The following NUP85 variants were observed in gnomAD, a reference collection of about 807,000 sequenced individuals.
NUP85 encodes nuclear pore complex protein Nup85.
In NUP85, 23 loss-of-function variants were observed where a neutral mutation model predicts 92.8. The observed-to-expected ratio is 0.25, with a 90% CI of 0.18 to 0.35. The LOEUF (loss-of-function observed/expected upper bound fraction) is 0.35, where lower values mean the gene tolerates loss of function less well. NUP85 is among the 10% of genes least tolerant of loss of function. The pLI, the probability that NUP85 is intolerant of heterozygous loss-of-function variation, is 1.00. For synonymous variants in NUP85, 314 were observed against 306.9 expected (o/e 1.02, Z -0.24); for missense variants, 759 against 822.8 (o/e 0.92, Z 0.95).
Position 75,235,718 on chromosome 17 carries a change from A to G in NUP85, c.*39A>G, listed in dbSNP as rs1193574899. 2 of 1,330,382 alleles carry G rather than the reference A, an allele frequency of 1.5e-6. No individual in the cohort carries two copies. Among genetic ancestry groups the G allele is most frequent in the South Asian group, 1.2e-5 (1 of 81,072 alleles). 82.4% of individuals were successfully genotyped at this position (1,330,382 alleles called of 1,614,324 possible). A position where few individuals can be genotyped will look rare whatever the true frequency, so the allele number is the denominator to read the frequency against. ...GTGGTATCTTTGTATGGCAATGTAT[A>G]TAGATTTTTTTAAAAGAATAAATGT... On this transcript the variant is annotated 3_prime_UTR_variant, in exon 19 of 19. Transcript: ENST00000245544.
chr17:75,218,806 G>C (rs1247723119), intron 7 of NUP85, among the ~76,000 whole-genome samples: 1 of 152,050 alleles, frequency 6.6e-6, no homozygotes. Flanking sequence ...CCAGGCTGTT[G>C]TGCAGTGGCC....
At chr17:75,226,665 AT>A in intron 11 of NUP85, 2 of 396,140 alleles carry the variant, frequency 5.0e-6, no homozygotes, top group Non-Finnish European at 1.0e-5. Flanking sequence ...CCACAGGTAG[AT>A]AATGGCTTTT....
intron 7 of NUP85, among the ~76,000 whole-genome samples, chr17:75,223,717 T>G (rs2075667153): frequency 6.6e-6 from 1 of 152,174 alleles, no homozygotes; most frequent in African/African-American, 2.4e-5. Flanking sequence ...TATTTATATT[T>G]GAACTGAAAC....
At chr17:75,206,275 T>C (rs1185330438) in intron 1 of NUP85, among the ~76,000 whole-genome samples, 7 of 152,138 alleles carry the variant, frequency 4.6e-5, no homozygotes, top group African/African-American at 1.7e-4. Context: ...GTATGTCAAC[T>C]GTGGATGATC....
At chr17:75,227,052 A>T (rs1212107397) in intron 11 of NUP85, 8 of 183,196 alleles carry the variant, frequency 4.4e-5, no homozygotes. Flanking sequence ...ATGGTAAGTC[A>T]GAAAGAAGGT....
intron 3 of NUP85, among the ~76,000 whole-genome samples, chr17:75,211,687 G>A (rs538242610): frequency 5.9e-5 from 9 of 152,224 alleles, no homozygotes; most frequent in Admixed American, 2.0e-4. Flanking sequence ...CTGAGCCACC[G>A]GGCCTGGCCA....
At chr17:75,223,087 A>G (rs2075647994) in intron 7 of NUP85, among the ~76,000 whole-genome samples, 1 of 151,716 alleles carries the variant, frequency 6.6e-6, no homozygotes, top group African/African-American at 2.4e-5. Context: ...TTCGTGTCTG[A>G]ATGAAGCTTA....
intron 16 of NUP85, 106 bp downstream of exon 16, chr17:75,233,264 A>G (rs974666426): frequency 1.2e-6 from 1 of 857,498 alleles, no homozygotes; most frequent in Non-Finnish European, 1.9e-6. Flanking sequence ...ATGTATTCCC[A>G]TTGCATCAGT....
Position 75,223,132 on chromosome 17 carries a change from A to C in NUP85, c.598-1971A>C, listed in dbSNP as rs553242357. On this transcript the variant is annotated intron_variant, in intron 7 of 18. Coordinates refer to ENST00000245544, the MANE Select transcript of NUP85 (RefSeq NM_024844.5). ...TCCCATAGTTCTTGCACTTAGCAACACTAGAAAGCACTTCAGTACTACACG... is the reference window on the plus strand; with the variant it reads ...TCCCATAGTTCTTGCACTTAGCAACCCTAGAAAGCACTTCAGTACTACACG... Among the ~76,000 whole-genome samples, 4 of 152,180 alleles carry C rather than the reference A, an allele frequency of 2.6e-5. No individual in the cohort carries two copies. The East Asian group carries it at 5.8e-4, about 22-fold the overall frequency.
In NUP85 at chr17:75,235,318, C is replaced by T. The variant is rs2076290030; in HGVS notation, c.1869+117C>T. On this transcript the variant is annotated intron_variant, in intron 18 of 18. Transcript: ENST00000245544. Reference sequence around the variant, plus strand: ...TCCTATGGACACATGTGCCTCTGTTCCCCTTAACCTGTGTAATTCACACAC... The same window carrying T: ...TCCTATGGACACATGTGCCTCTGTTTCCCTTAACCTGTGTAATTCACACAC... The T allele has an allele frequency of 4.4e-5, 31 of 697,666 alleles. No homozygotes were observed. The South Asian group carries it at 5.9e-4, about 13-fold the overall frequency. 43.2% of individuals were successfully genotyped at this position (697,666 alleles called of 1,614,324 possible). A position where few individuals can be genotyped will look rare whatever the true frequency, so the allele number is the denominator to read the frequency against.
intron 6 of NUP85, among the ~76,000 whole-genome samples, chr17:75,217,174 C>T (rs2075455626): frequency 2.6e-5 from 4 of 152,070 alleles, no homozygotes; most frequent in African/African-American, 7.2e-5. Context: ...AATCCTCCTG[C>T]CCAGCCTCCC....
chr17:75,211,767 A>G (rs1207985001), intron 3 of NUP85, among the ~76,000 whole-genome samples: 2 of 152,128 alleles, frequency 1.3e-5, no homozygotes, highest in African/African-American at 4.8e-5. Flanking sequence ...ATCTGCAACA[A>G]TTAATGGCAG....
At chr17:75,219,774 G>A (rs1327175784) in intron 7 of NUP85, among the ~76,000 whole-genome samples, 2 of 152,188 alleles carry the variant, frequency 1.3e-5, no homozygotes, top group Non-Finnish European at 2.9e-5. Context: ...GAGGCTGCAA[G>A]TGCTGGAGGG....
At chr17:75,209,633 A>G (rs2075196093) in intron 2 of NUP85, among the ~76,000 whole-genome samples, 190 bp from the exon 3 acceptor site, 1 of 152,032 alleles carries the variant, frequency 6.6e-6, no homozygotes, top group Non-Finnish European at 1.5e-5. Flanking sequence ...TAGTAGAGAC[A>G]GGGTTTTGCT....
Position 75,231,706 on chromosome 17 carries a change from G to T in NUP85, c.1244+68G>T. On this transcript the variant is annotated intron_variant, in intron 13 of 18. Coordinates refer to ENST00000245544, the MANE Select transcript of NUP85 (RefSeq NM_024844.5). The surrounding 1 kb of genome is among the most constrained non-coding windows in gnomAD (Gnocchi z 4.6). Reference sequence around the variant, plus strand: ...AGCATGCGGGTGCCATTGGAGCTTGGACTGTTCTCTCCCAGTTGGCTCCTT... The same window carrying T: ...AGCATGCGGGTGCCATTGGAGCTTGTACTGTTCTCTCCCAGTTGGCTCCTT... 1 of 1,606,108 alleles carries T rather than the reference G, an allele frequency of 6.2e-7. No individual in the cohort carries two copies. Among genetic ancestry groups the T allele is most frequent in the Non-Finnish European group, 8.5e-7 (1 of 1,173,184 alleles).
Position 75,225,787 on chromosome 17 carries a change from C to G in NUP85, c.945C>G (p.Ser315=), listed in dbSNP as rs756195289. The G allele has an allele frequency of 7.5e-6, 12 of 1,608,906 alleles. No homozygotes were observed. The highest frequency in any genetic ancestry group is 3.3e-5 in the Admixed American group (2 of 59,884). Reference sequence around the variant, plus strand: ...TCCTAGTGACTCGGCTCTTGTACTCCAATCCCACAGTAAAACCCATTGATC... The same window carrying G: ...TCCTAGTGACTCGGCTCTTGTACTCGAATCCCACAGTAAAACCCATTGATC... ...YHFLVTRLLY[S]NPTVKPIDLH... The change falls in exon 10 of 19, where the codon TCC becomes TCG. Residue 315 remains serine, a synonymous_variant. Coordinates refer to ENST00000245544, the MANE Select transcript of NUP85 (RefSeq NM_024844.5).
rs756199535 is a variant in NUP85, at chr17:75,231,685, TG to T, written c.1244+48del. On this transcript the variant is annotated intron_variant, in intron 13 of 18. Transcript: ENST00000245544. The surrounding 1 kb of genome is among the most constrained non-coding windows in gnomAD (Gnocchi z 4.6). ...TGGGCTATGCGGGTGCTCTTCAGCATGCGGGTGCCATTGGAGCTTGGACTGT... is the reference window on the plus strand; with the variant it reads ...TGGGCTATGCGGGTGCTCTTCAGCATCGGGTGCCATTGGAGCTTGGACTGT... 6 of 1,608,554 alleles carry T rather than the reference TG, an allele frequency of 3.7e-6. No homozygotes were observed. The South Asian group carries it at 6.6e-5, about 18-fold the overall frequency.
rs1397763276 is a variant in NUP85, at chr17:75,235,082, G to T, written c.1768-18G>T. ...CCAGGGCTGGGGGCAGCCAAGCAAG[G>T]CAGGCTCTCTTCCCTAGGTGATTTT... On this transcript the variant is annotated intron_variant, in intron 17 of 18. Transcript: ENST00000245544. The T allele has an allele frequency of 6.2e-7, 1 of 1,602,362 alleles. No homozygotes were observed. Among genetic ancestry groups the T allele is most frequent in the Non-Finnish European group, 8.5e-7 (1 of 1,170,048 alleles).
chr17:75,219,599 T>C (rs1598291453), intron 7 of NUP85, among the ~76,000 whole-genome samples: 1 of 152,190 alleles, frequency 6.6e-6, no homozygotes, highest in African/African-American at 2.4e-5. Flanking sequence ...ATTGAGTCCC[T>C]ACTATTTGCA....
Sources: allele counts gnomAD v4.1 joint callset (sites outside exome capture counted in the v4.1 genomes callset), GRCh38; gene constraint gnomAD v4.1.1; non-coding constraint Gnocchi (gnomAD v3.1); transcripts MANE v1.5; gene names NCBI Gene and HGNC (gene_info 2026-07-23, HGNC 2026-07-21).